Variants in EXOC4 observed in about 807,000 individuals in gnomAD.
EXOC4 encodes SEC8-like 1.
In EXOC4, 71 loss-of-function variants were observed where a neutral mutation model predicts 107.2. That is an observed-to-expected ratio of 0.66 (90% CI 0.55 to 0.81). The LOEUF is 0.81. Among genes scored for constraint, EXOC4 ranks in the 30% least tolerant of loss-of-function variants. The pLI is 0.00. For synonymous variants in EXOC4, 456 were observed against 441.2 expected, an observed-to-expected ratio of 1.03 and a Z score of -0.42; for missense variants, 1,108 against 1,189.6, an observed-to-expected ratio of 0.93 and a Z score of 1.01.
chr7:133,689,536 T>C (rs1001770400), intron 10 of EXOC4, among the ~76,000 whole-genome samples: 4 of 152,108 alleles, frequency 2.6e-5, no homozygotes, highest in African/African-American at 7.2e-5. Context: ...TAAACCAACT[T>C]GATAGGATTA....
intron 10 of EXOC4, among the ~76,000 whole-genome samples, chr7:133,692,466 A>G (rs1376005386): frequency 6.6e-6 from 1 of 152,140 alleles, no homozygotes; most frequent in Non-Finnish European, 1.5e-5. Context: ...GCCCTGGGAC[A>G]CTCACAGGGT....
At chr7:133,837,707 A>G (rs941676579) in intron 11 of EXOC4, among the ~76,000 whole-genome samples, 1 of 152,224 alleles carries the variant, frequency 6.6e-6, no homozygotes, top group African/African-American at 2.4e-5. Context: ...TGAGGATTCT[A>G]ATTCTAACGT....
chr7:133,535,024 C>T (rs1052522842), intron 9 of EXOC4, among the ~76,000 whole-genome samples: 4 of 152,116 alleles, frequency 2.6e-5, no homozygotes, highest in East Asian at 1.9e-4. Context: ...TACTTGGAGA[C>T]GAGATGGGCC....
intron 6 of EXOC4, among the ~76,000 whole-genome samples, chr7:133,364,667 A>G (rs1796212713): frequency 6.6e-6 from 1 of 152,136 alleles, no homozygotes; most frequent in African/African-American, 2.4e-5. Context: ...ATGCACACTG[A>G]AGTTTGAGAA....
intron 11 of EXOC4, among the ~76,000 whole-genome samples, chr7:133,881,685 T>TAG (rs1798969816): frequency 6.6e-6 from 1 of 152,142 alleles, no homozygotes; most frequent in East Asian, 1.9e-4. Flanking sequence ...AGAAGGTACT[T>TAG]ACTTATTTAT....
intron 11 of EXOC4, among the ~76,000 whole-genome samples, chr7:133,848,692 C>A (rs1295651616): frequency 2.0e-5 from 3 of 152,208 alleles, no homozygotes; most frequent in Non-Finnish European, 4.4e-5. Context: ...CATAAATACA[C>A]CTCATCCCTT....
intron 11 of EXOC4, among the ~76,000 whole-genome samples, chr7:133,823,537 G>T (rs1211864698): frequency 6.6e-6 from 1 of 151,728 alleles, no homozygotes; most frequent in Non-Finnish European, 1.5e-5. Flanking sequence ...GTTGAAGGCT[G>T]GGCATGGTGG....
rs193212946 is a variant in EXOC4, at chr7:134,042,470, A to G, written c.2688-21821A>G. ...CATTGCAGATTGAGTGACACAGAGCATGCTAGGAAAAAAAAAAAAAGGAAA... is the reference window on the plus strand; with the variant it reads ...CATTGCAGATTGAGTGACACAGAGCGTGCTAGGAAAAAAAAAAAAAGGAAA... On this transcript the variant is annotated intron_variant, in intron 17 of 17. Coordinates refer to ENST00000253861, the MANE Select transcript of EXOC4 (RefSeq NM_021807.4). Among the ~76,000 whole-genome samples, 36 of 131,910 alleles carry G rather than the reference A, an allele frequency of 2.7e-4. 1 individual carries two copies. Among genetic ancestry groups the G allele is most frequent in the Admixed American group, 2.6e-3 (33 of 12,794 alleles). The allele number at this position is 131,910 out of a possible 152,430, so 86.5% of individuals were successfully genotyped here.
intron 10 of EXOC4, among the ~76,000 whole-genome samples, chr7:133,797,270 T>G (rs536976683): frequency 6.6e-6 from 1 of 152,312 alleles, no homozygotes; most frequent in East Asian, 1.9e-4. Context: ...AAAGATTTAT[T>G]GTGAGCATAT....
chr7:134,024,462 A>AG (rs1210202089), intron 17 of EXOC4, among the ~76,000 whole-genome samples: 1 of 151,740 alleles, frequency 6.6e-6, no homozygotes, highest in Admixed American at 6.6e-5. Context: ...AAAAAAAAAA[A>AG]GAAGCTAGTA....
At chr7:133,658,970 A>G (rs1467226948) in intron 10 of EXOC4, among the ~76,000 whole-genome samples, 9 of 141,920 alleles carry the variant, frequency 6.3e-5, no homozygotes, top group African/African-American at 2.2e-4. Context: ...ACCTTAGCCA[A>G]TCATTGATTT....
intron 10 of EXOC4, among the ~76,000 whole-genome samples, chr7:133,668,876 C>A (rs1793875461): frequency 6.6e-6 from 1 of 151,888 alleles, no homozygotes; most frequent in African/African-American, 2.4e-5. Flanking sequence ...GTATAAGAGG[C>A]AGGATGTGGC....
intron 14 of EXOC4, among the ~76,000 whole-genome samples, chr7:133,971,334 G>GTGTGTATATATATA (rs1413652002): frequency 2.4e-5 from 1 of 41,796 alleles, no homozygotes; most frequent in African/African-American, 9.8e-5. Flanking sequence ...GGGAAAATGT[G>GTGTGTATATATATA]TATATATATA....
At chr7:133,626,356 G>C (rs1177137006) in intron 9 of EXOC4, among the ~76,000 whole-genome samples, 1 of 152,136 alleles carries the variant, frequency 6.6e-6, no homozygotes, top group East Asian at 1.9e-4. Context: ...ATTTTTGGCC[G>C]TGACCTTTAC....
chr7:133,338,389 C>G (rs187215279), intron 5 of EXOC4, among the ~76,000 whole-genome samples: 1 of 149,398 alleles, frequency 6.7e-6, no homozygotes, highest in African/African-American at 2.5e-5. Flanking sequence ...GTCAGGAGAT[C>G]GAGACCATCC....
intron 4 of EXOC4, among the ~76,000 whole-genome samples, chr7:133,312,491 A>G (rs1400369996): frequency 6.6e-6 from 1 of 152,192 alleles, no homozygotes; most frequent in African/African-American, 2.4e-5. Flanking sequence ...TCCTGTGTAC[A>G]TCATGAGCAT....
At chr7:133,697,109 G>A (rs983951082) in intron 10 of EXOC4, among the ~76,000 whole-genome samples, 5 of 152,082 alleles carry the variant, frequency 3.3e-5, no homozygotes, top group African/African-American at 4.8e-5. Flanking sequence ...CTTGGGACCT[G>A]GGAAGTGTTT....
At chr7:133,671,986 G>A (rs1793957045) in intron 10 of EXOC4, among the ~76,000 whole-genome samples, 1 of 152,128 alleles carries the variant, frequency 6.6e-6, no homozygotes, top group Non-Finnish European at 1.5e-5. Flanking sequence ...TCGTAAATGG[G>A]AATTAGACTA....
intron 5 of EXOC4, among the ~76,000 whole-genome samples, chr7:133,338,916 CT>C (rs1795594575): frequency 6.6e-6 from 1 of 151,800 alleles, no homozygotes; most frequent in Non-Finnish European, 1.5e-5. Flanking sequence ...CCATGCCTGG[CT>C]AATTTTGTAT....
Sources: gnomAD v4.1 joint callset for allele counts (sites outside exome capture counted in the v4.1 genomes callset) on GRCh38, gnomAD v4.1.1 for gene constraint, MANE v1.5 for transcripts, NCBI Gene and HGNC (gene_info 2026-07-23, HGNC 2026-07-21) for gene names.